RGS14: variants seen among roughly 807,000 people sequenced by gnomAD.
RGS14 encodes regulator of G-protein signaling 14.
RGS14 carries 33 observed loss-of-function variants against 63.8 expected under a neutral mutation model. The ratio of observed to expected loss-of-function variants is 0.52; its 90% CI spans 0.39 to 0.69. The LOEUF is 0.69. RGS14 is among the 30% of genes least tolerant of loss of function. The pLI, the probability that RGS14 is intolerant of heterozygous loss-of-function variation, is 0.00. For synonymous variants in RGS14, 296 were observed against 320.9 expected, an observed-to-expected ratio of 0.92 and a Z score of 0.83; for missense variants, 739 against 742.9, an observed-to-expected ratio of 0.99 and a Z score of 0.06.
chr5:177,368,502 C>T lies in RGS14; in HGVS notation c.850-215C>T, dbSNP rs533639676. On this transcript the variant is annotated intron_variant, in intron 8 of 14. Transcript: ENST00000408923. ...CATGTGCAGCACCCAGGTGTGTATA[C>T]ACAGCACGTGTGTGGGAATCAGCGG... 6.6e-5 allele frequency among the ~76,000 whole-genome samples: 10 copies of T among 152,388 alleles called. No individual in the cohort carries two copies. In the South Asian group the frequency reaches 1.4e-3, roughly 22 times the overall value.
Position 177,368,745 on chromosome 5 carries a change from A to T in RGS14, c.878A>T (p.Glu293Val). 1 of 1,614,196 alleles carries T rather than the reference A, an allele frequency of 6.2e-7. No homozygotes were observed. The highest frequency in any genetic ancestry group is 8.5e-7 in the Non-Finnish European group (1 of 1,180,030). ...ESHRKSLGST[E>V]GESESRPGKY... is the part of the protein sequence containing the mutation. ...CACCGGAAGAGCCTTGGGAGCACGGAGGGTGAAAGTGAAAGCCGGCCAGGG... is the reference window on the plus strand; with the variant it reads ...CACCGGAAGAGCCTTGGGAGCACGGTGGGTGAAAGTGAAAGCCGGCCAGGG... Residue 293 changes from glutamate to valine, a missense_variant, in exon 9 of 15, where the codon GAG becomes GTG. Glu to Val is a moderately radical substitution (Grantham distance 121). Coordinates refer to ENST00000408923, the MANE Select transcript of RGS14 (RefSeq NM_006480.5).
rs184151853 is a variant in RGS14 at position 177,371,838 on chromosome 5, G to A, written c.1499-35G>A. The A allele has an allele frequency of 2.5e-6, 4 of 1,596,358 alleles. No individual in the cohort carries two copies. The highest frequency in any genetic ancestry group is 1.7e-5 in the Admixed American group (1 of 59,240). On this transcript the variant is annotated intron_variant, in intron 14 of 14. Coordinates refer to ENST00000408923, the MANE Select transcript of RGS14 (RefSeq NM_006480.5). The surrounding 1 kb of genome is among the most constrained non-coding windows in gnomAD (Gnocchi z 6.1). ...CGTGGGCTGGCATATAGGCAGGTCT[G>A]CTGGGGGGACCCTCATGCTGTGGCT...
Position 177,366,793 on chromosome 5 carries a change from C to G in RGS14, c.332C>G (p.Thr111Ser), listed in dbSNP as rs368384837. ...ERFQQIPASD[T>S]QQLAQEARNI... ...TTCCAGCAGATCCCGGCCAGCGATA[C>G]CCAGCAGGTGGGGGAAGGGGGAGCT... Residue 111 changes from threonine to serine, a missense_variant, in exon 4 of 15, where the codon ACC becomes AGC. Thr to Ser is a moderately conservative substitution (Grantham distance 58, BLOSUM62 1). Transcript: ENST00000408923. 2.0e-5 allele frequency: 33 copies of G among 1,613,972 alleles called. No individual in the cohort carries two copies. The African/African-American group carries it at 4.3e-4, about 21-fold the overall frequency.
intron 2 of RGS14, 22 bp downstream of exon 2, chr5:177,366,006 G>A: frequency 6.2e-7 from 1 of 1,613,012 alleles, no homozygotes; most frequent in African/African-American, 1.3e-5. Context: ...AATGTGTGGA[G>A]AACTGGCTGA....
intron 5 of RGS14, 117 bp from the exon 6 acceptor site, chr5:177,367,297 T>C: frequency 1.4e-6 from 2 of 1,387,506 alleles, no homozygotes; most frequent in South Asian, 1.4e-5. Flanking sequence ...GGGGCGGGGC[T>C]TGGGAAATCC....
At chr5:177,363,803 T>G (rs1459758262) in intron 1 of RGS14, among the ~76,000 whole-genome samples, 1 of 152,126 alleles carries the variant, frequency 6.6e-6, no homozygotes, top group African/African-American at 2.4e-5. Flanking sequence ...ACCTCCCAAA[T>G]TTGAGCCTGC....
rs1761901719 is a variant in RGS14, at chr5:177,359,262, C to T, written c.45+1193C>T. Among the ~76,000 whole-genome samples, 1 of 152,092 alleles carries T rather than the reference C, an allele frequency of 6.6e-6. No homozygotes were observed. The highest frequency in any genetic ancestry group is 2.4e-5 in the African/African-American group (1 of 41,400). On this transcript the variant is annotated intron_variant, in intron 1 of 14. Transcript: ENST00000408923. This position sits in a 1 kb window ranked among gnomAD's most constrained non-coding sequence, Gnocchi z 4.4. ...CCGGGCTGGCCGGCTGGGAGAGAGG[C>T]CACCCTTCAAAGCCAGCTCAGCCCC...
Position 177,367,825 on chromosome 5 carries a change from G to A in RGS14, c.739G>A (p.Glu247Lys). The stretch of plus-strand genomic sequence containing the variant: ...CCCTCTCCGCAAGTCCTTCCGCCGG[G>A]GTGAGGGCAGGAGCGAGCAACAGAG... ...GRPLRKSFRR[E>K]LGGTANAALR... Residue 247 changes from glutamate to lysine, a missense_variant and splice_region_variant, in exon 7 of 15, where the codon GAG (glutamate) becomes AAG (lysine). Glu to Lys is a moderately conservative substitution (Grantham distance 56, BLOSUM62 1). Transcript: ENST00000408923. The A allele has an allele frequency of 1.9e-6, 3 of 1,588,114 alleles. No homozygotes were observed. The highest frequency in any genetic ancestry group is 2.6e-6 in the Non-Finnish European group (3 of 1,167,374).
In RGS14 at chr5:177,372,405, A is replaced by C; in HGVS notation, c.*330A>C. 6.3e-5 allele frequency: 17 copies of C among 271,984 alleles called. No individual in the cohort carries two copies. The highest frequency in any genetic ancestry group is 2.3e-4 in the East Asian group (3 of 13,082). 16.8% of individuals were successfully genotyped at this position (271,984 alleles called of 1,614,324 possible). A position where few individuals can be genotyped will look rare whatever the true frequency, so the allele number is the denominator to read the frequency against. ...CCTCCCCAGCCTGTGCCAAGCTTCA[A>C]CAGGGGCAAGAGGAGGGGCCGGCCC... On this transcript the variant is annotated 3_prime_UTR_variant, in exon 15 of 15. Coordinates refer to ENST00000408923, the MANE Select transcript of RGS14 (RefSeq NM_006480.5).
At chr5:177,363,495 C>T (rs926060230) in intron 1 of RGS14, among the ~76,000 whole-genome samples, 5 of 152,164 alleles carry the variant, frequency 3.3e-5, no homozygotes, top group African/African-American at 1.2e-4. Flanking sequence ...GAATCTGGAT[C>T]TGAGAGACGC....
Position 177,371,142 on chromosome 5 carries a change from G to T in RGS14, c.1255-23G>T. Reference sequence around the variant, plus strand: ...GGGGCCGGGCGGAGGCCTGTACCGCGGGCTGCTGACCTCTCCCCACAGCCA... The same window carrying T: ...GGGGCCGGGCGGAGGCCTGTACCGCTGGCTGCTGACCTCTCCCCACAGCCA... On this transcript the variant is annotated intron_variant, in intron 11 of 14. Coordinates refer to ENST00000408923, the MANE Select transcript of RGS14 (RefSeq NM_006480.5). This position sits in a 1 kb window ranked among gnomAD's most constrained non-coding sequence, Gnocchi z 6.1. 1 of 1,602,698 alleles carries T rather than the reference G, an allele frequency of 6.2e-7. No homozygotes were observed.
In RGS14 at chr5:177,368,726, A is replaced by C; in HGVS notation, c.859A>C (p.Lys287Gln). Residue 287 changes from lysine (K) to glutamine (Q), a missense_variant, in exon 9 of 15, where the codon AAG becomes CAG. Transcript: ENST00000408923. ...FVSSKSESHR[K>Q]SLGSTEGESE... ...TCCTGCCATGAATCAGAGCCACCGGAAGAGCCTTGGGAGCACGGAGGGTGA... is the reference window on the plus strand; with the variant it reads ...TCCTGCCATGAATCAGAGCCACCGGCAGAGCCTTGGGAGCACGGAGGGTGA... 2 of 1,614,108 alleles carry C rather than the reference A, an allele frequency of 1.2e-6. No individual in the cohort carries two copies. The highest frequency in any genetic ancestry group is 8.5e-7 in the Non-Finnish European group (1 of 1,179,962).
Position 177,371,699 on chromosome 5 carries a change from G to A in RGS14, c.1498+110G>A. 2 of 1,262,414 alleles carry A rather than the reference G, an allele frequency of 1.6e-6. No homozygotes were observed. Among genetic ancestry groups the A allele is most frequent in the Non-Finnish European group, 2.3e-6 (2 of 887,106 alleles). 78.2% of individuals were successfully genotyped at this position (1,262,414 alleles called of 1,614,324 possible). A position where few individuals can be genotyped will look rare whatever the true frequency, so the allele number is the denominator to read the frequency against. Reference sequence around the variant, plus strand: ...TAAGGCAGGGGGCTGGGTGCCACTGGGCGTGGAACAGGAAGGATGGGGGTT... The same window carrying A: ...TAAGGCAGGGGGCTGGGTGCCACTGAGCGTGGAACAGGAAGGATGGGGGTT... On this transcript the variant is annotated intron_variant, in intron 14 of 14. Coordinates refer to ENST00000408923, the MANE Select transcript of RGS14 (RefSeq NM_006480.5). This position sits in a 1 kb window ranked among gnomAD's most constrained non-coding sequence, Gnocchi z 6.1.
At chr5:177,365,849 G>C (rs893451032) in intron 1 of RGS14, 114 bp from the exon 2 acceptor site, 3 of 1,049,608 alleles carry the variant, frequency 2.9e-6, no homozygotes, top group Middle Eastern at 2.0e-4. Flanking sequence ...GAACCTGGCC[G>C]GGGATGCCCA....
At chr5:177,369,200 C>G in intron 9 of RGS14, 1 of 492,110 alleles carries the variant, frequency 2.0e-6, no homozygotes, top group Non-Finnish European at 3.7e-6. Context: ...TCATCATTCC[C>G]AGAGTCCAGA....
intron 9 of RGS14, 94 bp from the exon 10 acceptor site, chr5:177,370,497 T>C (rs529919292): frequency 4.6e-6 from 5 of 1,085,396 alleles, no homozygotes; most frequent in Non-Finnish European, 7.1e-6. Context: ...AGCCCAGTGG[T>C]GGCCATGGGA....
chr5:177,368,420 C>T (rs1020068647), intron 8 of RGS14, among the ~76,000 whole-genome samples, 154 bp downstream of exon 8: 23 of 152,276 alleles, frequency 1.5e-4, no homozygotes, highest in Non-Finnish European at 8.8e-5. Context: ...ACTTGTCTCA[C>T]TACATTGGTC....
In RGS14 at chr5:177,370,583, C is replaced by T. The variant is rs1193757593; in HGVS notation, c.1054-8C>T. On this transcript the variant is annotated splice_polypyrimidine_tract_variant and splice_region_variant and intron_variant, in intron 9 of 14. Transcript: ENST00000408923. ...GGACTCTTAGACCCTGCCTGGCATC[C>T]ACAGAAGGCCCTGGTCCTGGATCAG... 6.2e-7 allele frequency: 1 copy of T among 1,613,830 alleles called. No individual in the cohort carries two copies. Among genetic ancestry groups the T allele is most frequent in the Non-Finnish European group, 8.5e-7 (1 of 1,179,818 alleles).
rs1447480817 is a variant in RGS14, at chr5:177,371,246, G to A, written c.1336G>A (p.Gly446Ser). The A allele has an allele frequency of 6.2e-7, 1 of 1,614,110 alleles. No homozygotes were observed. The highest frequency in any genetic ancestry group is 1.7e-5 in the Admixed American group (1 of 60,022). Residue 446 changes from glycine (G) to serine (S), a missense_variant and splice_region_variant, in exon 12 of 15, where the codon GGT (glycine) becomes AGT (serine). Coordinates refer to ENST00000408923, the MANE Select transcript of RGS14 (RefSeq NM_006480.5). The surrounding 1 kb of genome is among the most constrained non-coding windows in gnomAD (Gnocchi z 6.1). ...AQRLVLDTLP[G>S]VKISKARDKS... ...GAGACTGGTTTTGGACACTCTTCCAGGTAGGGGACGCTGGCCTCGGGGCTT... is the reference window on the plus strand; with the variant it reads ...GAGACTGGTTTTGGACACTCTTCCAAGTAGGGGACGCTGGCCTCGGGGCTT...
Sources: gnomAD v4.1 joint callset for allele counts (sites outside exome capture counted in the v4.1 genomes callset) on GRCh38, gnomAD v4.1.1 for gene constraint, Gnocchi (gnomAD v3.1) non-coding constraint, MANE v1.5 for transcripts, NCBI Gene and HGNC (gene_info 2026-07-23, HGNC 2026-07-21) for gene names.